The following ABCA10 variants were observed in gnomAD, a reference collection of about 807,000 sequenced individuals.
ABCA10 encodes the protein ATP binding cassette subfamily A member 10.
A neutral mutation model predicts 187.5 loss-of-function variants in ABCA10; 169 were observed. The observed-to-expected ratio is 0.90, with a 90% CI of 0.80 to 1.02. The LOEUF (loss-of-function observed/expected upper bound fraction) is 1.02. ABCA10 is among the 50% of genes least tolerant of loss of function. ABCA10 has a pLI of 0.00. For synonymous variants in ABCA10, 574 were observed against 601.8 expected (o/e 0.95, Z 0.68); for missense variants, 1,727 against 1,812.4 (o/e 0.95, Z 0.86).
intron 24 of ABCA10, 76 bp from the exon 25 acceptor site, chr17:69,174,470 T>A: frequency 6.9e-7 from 1 of 1,452,018 alleles, no homozygotes; most frequent in Non-Finnish European, 9.4e-7. Flanking sequence ...GATAATCAGG[T>A]CATAAAGCTG....
chr17:69,215,376 T>C (rs1015513389), intron 8 of ABCA10: 6 of 158,962 alleles, frequency 3.8e-5, no homozygotes, highest in Non-Finnish European at 8.2e-5. Context: ...ATCCTAAAAA[T>C]TTACCCCCAT....
intron 2 of ABCA10, among the ~76,000 whole-genome samples, chr17:69,226,627 T>C (rs960620862): frequency 4.6e-5 from 7 of 151,988 alleles, no homozygotes. Context: ...CATTCTATGT[T>C]TACAAAAAGC....
chr17:69,217,750 C>T (rs988629325), intron 6 of ABCA10, among the ~76,000 whole-genome samples: 1 of 152,092 alleles, frequency 6.6e-6, no homozygotes, highest in African/African-American at 2.4e-5. Context: ...GCAGTTTTAC[C>T]TTAATACTTG....
intron 34 of ABCA10, 60 bp from the exon 35 acceptor site, chr17:69,152,541 A>G (rs1370516165): frequency 5.8e-6 from 9 of 1,545,814 alleles, no homozygotes; most frequent in African/African-American, 1.4e-5. Context: ...ATAGATAAAT[A>G]GAAAAAAGCA....
rs750045623 is a variant in ABCA10 at position 69,165,081 on chromosome 17, G to A, written c.3165C>T (p.Ile1055=). 1.3e-6 allele frequency: 2 copies of A among 1,548,466 alleles called. No individual in the cohort carries two copies. Among genetic ancestry groups the A allele is most frequent in the South Asian group, 2.3e-5 (2 of 88,702 alleles). ...CCATAATTGTGGATACACATATTAA[G>A]ATCTAGAAAAAAATCCAGAAGTATT... ...NGFWSFGFFI[I]LICVSTIMVS... The change falls in exon 26 of 39, where the codon ATC becomes ATT. Residue 1055 remains isoleucine, a splice_region_variant and synonymous_variant. Transcript: ENST00000690296.
chr17:69,219,833 T>C (rs190068983), intron 5 of ABCA10, 62 bp from the exon 6 acceptor site: 73 of 1,150,626 alleles, frequency 6.3e-5, no homozygotes, highest in Non-Finnish European at 8.3e-5. Flanking sequence ...TAGAAAACTA[T>C]ACACTTTTTA....
intron 9 of ABCA10, among the ~76,000 whole-genome samples, chr17:69,202,686 C>G (rs1418229682): frequency 6.6e-6 from 1 of 151,912 alleles, no homozygotes; most frequent in Non-Finnish European, 1.5e-5. Flanking sequence ...TGGAATTATA[C>G]AGGGATCTTT....
chr17:69,153,254 T>A (rs775612811), intron 34 of ABCA10, 51 bp downstream of exon 34: 5 of 1,530,510 alleles, frequency 3.3e-6, no homozygotes, highest in Non-Finnish European at 4.4e-6. Flanking sequence ...AAAAACAAAA[T>A]ATCCTAGAGG....
intron 25 of ABCA10, among the ~76,000 whole-genome samples, chr17:69,171,211 G>C (rs1286051447): frequency 6.6e-6 from 1 of 152,142 alleles, no homozygotes; most frequent in South Asian, 2.1e-4. Flanking sequence ...CAAACGACAA[G>C]TAGAAATGTT....
intron 9 of ABCA10, among the ~76,000 whole-genome samples, chr17:69,204,197 T>A (rs944358980): frequency 6.6e-6 from 1 of 152,248 alleles, no homozygotes; most frequent in African/African-American, 2.4e-5. Flanking sequence ...TGGTTAATAA[T>A]TTCTACATCA....
chr17:69,209,439 T>C (rs1289956775), intron 9 of ABCA10, among the ~76,000 whole-genome samples: 15 of 152,226 alleles, frequency 9.9e-5, no homozygotes, highest in Admixed American at 9.8e-4. Flanking sequence ...TGGAAAACTG[T>C]ATTATTTGCC....
chr17:69,221,612 T>G lies in ABCA10; in HGVS notation c.303+180A>C, dbSNP rs555658590. ...GTGTAGGGGGTCATAGGTCTGTAGT[T>G]TTACAGGGTTTATGTTAGAAGTTGG... is the stretch of plus-strand genomic sequence containing the variant. On this transcript the variant is annotated intron_variant, in intron 5 of 38. Transcript: ENST00000690296. Among the ~76,000 whole-genome samples the G allele has an allele frequency of 1.2e-3, 178 of 152,218 alleles. 1 individual carries two copies. The highest frequency in any genetic ancestry group is 2.3e-3 in the Non-Finnish European group (159 of 67,996).
chr17:69,182,643 CA>C (rs753070056), intron 21 of ABCA10, 31 bp downstream of exon 21: 165 of 1,499,912 alleles, frequency 1.1e-4, no homozygotes, highest in Middle Eastern at 5.1e-4. Context: ...AAAAAAAAAC[CA>C]AAAAAAAACA....
chr17:69,231,922 C>T (rs995667449), upstream of ABCA10, among the ~76,000 whole-genome samples: 9 of 151,968 alleles, frequency 5.9e-5, no homozygotes, highest in Non-Finnish European at 7.4e-5. Flanking sequence ...TTATATATTT[C>T]GGTACTCTTA....
chr17:69,190,405 T>C lies in ABCA10; in HGVS notation c.2084A>G (p.Asn695Ser). 1 of 1,581,974 alleles carries C rather than the reference T, an allele frequency of 6.3e-7. No homozygotes were observed. Among genetic ancestry groups the C allele is most frequent in the Non-Finnish European group, 8.5e-7 (1 of 1,170,278 alleles). Residue 695 changes from asparagine to serine, a missense_variant, in exon 18 of 39, where the codon AAT becomes AGT. Physicochemically the swap from Asn to Ser is conservative, Grantham distance 46. Transcript: ENST00000690296. ...TCCTTCTAGGTTCAAGAATACTTCA[T>C]TCAGAGATGTCACTGAAACAGCATA... Reference protein sequence around the residue: ...RNYAVSVTSLNEVFLNLEGKS... With the variant: ...RNYAVSVTSLSEVFLNLEGKS...
intron 22 of ABCA10, among the ~76,000 whole-genome samples, chr17:69,177,273 T>C (rs2074341141): frequency 6.6e-6 from 1 of 152,234 alleles, no homozygotes; most frequent in Admixed American, 6.5e-5. Context: ...TCTTCTTACA[T>C]GCATACCTCT....
chr17:69,185,880 C>G (rs150488072), intron 19 of ABCA10, among the ~76,000 whole-genome samples: 12 of 152,160 alleles, frequency 7.9e-5, no homozygotes, highest in African/African-American at 2.9e-4. Flanking sequence ...AAGGTGGAAT[C>G]CAGGGGCAAT....
intron 11 of ABCA10, 44 bp from the exon 12 acceptor site, chr17:69,194,539 C>T (rs763370061): frequency 7.0e-7 from 1 of 1,427,216 alleles, no homozygotes; most frequent in South Asian, 1.2e-5. Flanking sequence ...GGATTATATG[C>T]AGATGGAATG....
chr17:69,195,304 T>C (rs989519903), intron 11 of ABCA10, among the ~76,000 whole-genome samples: 1 of 152,124 alleles, frequency 6.6e-6, no homozygotes, highest in Non-Finnish European at 1.5e-5. Flanking sequence ...GAGCTTAGTT[T>C]GATAAAGTCA....
Sources: allele counts gnomAD v4.1 joint callset (sites outside exome capture counted in the v4.1 genomes callset), GRCh38; gene constraint gnomAD v4.1.1; transcripts MANE v1.5; gene names NCBI Gene and HGNC (gene_info 2026-07-23, HGNC 2026-07-21).